RGL1: variants seen among roughly 807,000 people sequenced by gnomAD.
The protein encoded by RGL1 is ral guanine nucleotide dissociation stimulator-like 1.
RGL1 carries 24 observed loss-of-function variants against 95.2 expected under a neutral mutation model. The observed-to-expected ratio is 0.25, with a 90% CI of 0.18 to 0.35. The LOEUF is 0.35. RGL1 is among the 10% of genes least tolerant of loss of function. The pLI is 1.00. For missense variants in RGL1, 715 were observed against 936.3 expected (o/e 0.76, Z 3.08); for synonymous variants, 329 against 344.9 (o/e 0.95, Z 0.51).
At position 183,773,015 on chromosome 1, in the gene RGL1, CAAAAAAAAAAAAAAAAAA is replaced by C. The variant is rs60100787; in HGVS notation, c.132+30743_132+30760del. Among the ~76,000 whole-genome samples, 52 of 72,444 alleles carry C rather than the reference CAAAAAAAAAAAAAAAAAA, an allele frequency of 7.2e-4. 1 individual carries two copies. Among genetic ancestry groups the C allele is most frequent in the African/African-American group, 2.3e-3 (50 of 21,432 alleles). The allele number at this position is 72,444 out of a possible 152,430, so 47.5% of individuals were successfully genotyped here. ...TGGGCGACAGAGCAAGACTCCGTCT[CAAAAAAAAAAAAAAAAAA>C]AAAAAAAAAAAAAAAATTTCACTCT... is the stretch of plus-strand genomic sequence containing the variant. On this transcript the variant is annotated intron_variant, in intron 2 of 18. Transcript: ENST00000304685.
intron 2 of RGL1, among the ~76,000 whole-genome samples, chr1:183,794,846 C>T (rs987115800): frequency 6.6e-6 from 1 of 152,190 alleles, no homozygotes; most frequent in Non-Finnish European, 1.5e-5. Context: ...GACTCATTTT[C>T]TCAGTGTCTC....
intron 1 of RGL1, among the ~76,000 whole-genome samples, chr1:183,658,488 T>C (rs1174664): frequency 0.4 from 59,774 of 151,162 alleles, 12,004 homozygotes; most frequent in African/African-American, 0.47. Flanking sequence ...AACCGCAAGG[T>C]GGCAGCGAGG....
At chr1:183,735,447 T>C (rs1487411462) in intron 1 of RGL1, among the ~76,000 whole-genome samples, 1 of 152,152 alleles carries the variant, frequency 6.6e-6, no homozygotes, top group Non-Finnish European at 1.5e-5. Context: ...TGGAGTTTTG[T>C]AAAAAATTGA....
At chr1:183,664,416 A>G (rs1459537964) in intron 1 of RGL1, among the ~76,000 whole-genome samples, 2 of 152,088 alleles carry the variant, frequency 1.3e-5, no homozygotes, top group African/African-American at 2.4e-5. Context: ...ACAATTTTAC[A>G]TGCATCATAT....
rs1412484648 is a variant in RGL1 at position 183,897,892 on chromosome 1, G to C, written c.1225G>C (p.Asp409His). The change falls in exon 10 of 18, where the codon GAC (aspartate) becomes CAC (histidine). Residue 409 changes from aspartate (D) to histidine (H), a missense_variant. Asp to His is a moderately conservative substitution (Grantham distance 81). This residue lies in a region of RGL1 where 381 missense variants were observed against 484.8 expected (regional missense o/e 0.79). Transcript: ENST00000360851. ...CCAGAGGCGGCTGCAGCTCCAGAAG[G>C]ACATGGTATGTCTGGCCCTCGTCTT... Reference protein sequence around the residue: ...RTQRRLQLQKDMGVMQGTVPY... With the variant: ...RTQRRLQLQKHMGVMQGTVPY... 1.2e-6 allele frequency: 2 copies of C among 1,613,390 alleles called. No individual in the cohort carries two copies. Among genetic ancestry groups the C allele is most frequent in the Admixed American group, 1.7e-5 (1 of 59,994 alleles).
intron 2 of RGL1, among the ~76,000 whole-genome samples, chr1:183,831,827 A>G (rs181751072): frequency 9.1e-4 from 139 of 152,344 alleles, no homozygotes; most frequent in African/African-American, 3.3e-3. Context: ...TAAAAATTTT[A>G]CAGTCTAGTG....
intron 2 of RGL1, among the ~76,000 whole-genome samples, chr1:183,785,107 T>C (rs1248705844): frequency 6.6e-6 from 1 of 152,206 alleles, no homozygotes; most frequent in African/African-American, 2.4e-5. Flanking sequence ...TAGAACTTTT[T>C]AAAATGCAAG....
chr1:183,660,167 A>AG (rs1399032247), intron 1 of RGL1, among the ~76,000 whole-genome samples: 1 of 152,224 alleles, frequency 6.6e-6, no homozygotes, highest in Non-Finnish European at 1.5e-5. Context: ...CAAAATAACC[A>AG]GCTAACATCA....
intron 2 of RGL1, among the ~76,000 whole-genome samples, chr1:183,813,806 C>T (rs1169089413): frequency 6.6e-6 from 1 of 152,208 alleles, no homozygotes; most frequent in East Asian, 1.9e-4. Flanking sequence ...CTAATTCTCA[C>T]TCCTTGTATA....
intron 1 of RGL1, among the ~76,000 whole-genome samples, chr1:183,740,926 T>G (rs1436553945): frequency 1.3e-5 from 2 of 152,148 alleles, no homozygotes; most frequent in East Asian, 3.8e-4. Context: ...AAAATAGAAT[T>G]GAAAGCAAAT....
At chr1:183,888,736 A>C (rs533798100) in intron 8 of RGL1, among the ~76,000 whole-genome samples, 159 bp downstream of exon 8, 8 of 152,276 alleles carry the variant, frequency 5.3e-5, no homozygotes, top group Admixed American at 5.2e-4. Flanking sequence ...ATCATTAATG[A>C]CTTTTGAGGC....
chr1:183,692,072 T>C (rs1256416768), intron 1 of RGL1, among the ~76,000 whole-genome samples: 1 of 151,066 alleles, frequency 6.6e-6, no homozygotes, highest in Non-Finnish European at 1.5e-5. Flanking sequence ...TATTATTACA[T>C]TATTCTGTGT....
intron 1 of RGL1, among the ~76,000 whole-genome samples, chr1:183,699,324 C>T (rs557642036): frequency 2.0e-4 from 31 of 152,326 alleles, no homozygotes; most frequent in African/African-American, 7.5e-4. Flanking sequence ...GTCCCATCTA[C>T]AGTCCTACAT....
At chr1:183,674,508 T>C (rs937647447) in intron 1 of RGL1, among the ~76,000 whole-genome samples, 1 of 152,208 alleles carries the variant, frequency 6.6e-6, no homozygotes, top group Non-Finnish European at 1.5e-5. Context: ...GGAAGGAAGC[T>C]GAGTTTGGTG....
At chr1:183,831,023 A>G (rs961317705) in intron 2 of RGL1, among the ~76,000 whole-genome samples, 6 of 152,216 alleles carry the variant, frequency 3.9e-5, no homozygotes, top group Non-Finnish European at 7.3e-5. Flanking sequence ...TATGCACCAG[A>G]GACACAGTGG....
chr1:183,883,725 CTCTATAAGCAAGA>C, intron 5 of RGL1, 48 bp from the exon 6 acceptor site: 1 of 1,589,262 alleles, frequency 6.3e-7, no homozygotes. Flanking sequence ...AGTCTGATGA[CTCTATAAGCAAGA>C]TTATATACAC....
chr1:183,819,973 T>TG (rs568396816), intron 2 of RGL1, among the ~76,000 whole-genome samples: 35 of 152,008 alleles, frequency 2.3e-4, no homozygotes, highest in African/African-American at 6.8e-4. Flanking sequence ...TTTGTAGAGA[T>TG]GGGGGGTCTC....
intron 12 of RGL1, 108 bp downstream of exon 12, chr1:183,902,708 C>T (rs1668098275): frequency 1.0e-6 from 1 of 994,472 alleles, no homozygotes; most frequent in Non-Finnish European, 1.5e-6. Flanking sequence ...TTAGCACCTA[C>T]TGAACGTTTA....
chr1:183,837,036 A>T (rs951259908), intron 2 of RGL1, among the ~76,000 whole-genome samples: 23 of 152,182 alleles, frequency 1.5e-4, no homozygotes, highest in Non-Finnish European at 2.6e-4. Flanking sequence ...AGTGCAGAAG[A>T]TTCCTTAATG....
Sources: gnomAD v4.1 joint callset for allele counts (sites outside exome capture counted in the v4.1 genomes callset) on GRCh38, gnomAD v4.1.1 for gene constraint, gnomAD v4.1.1 regional missense constraint, MANE v1.5 for transcripts, NCBI Gene and HGNC (gene_info 2026-07-23, HGNC 2026-07-21) for gene names.